Variants in CCDC102B observed in about 807,000 individuals in gnomAD.
CCDC102B encodes the protein coiled-coil domain containing 102B.
Under a neutral mutation model 57.4 loss-of-function variants are expected in CCDC102B, and 75 were observed. The ratio of observed to expected loss-of-function variants is 1.31; its 90% CI spans 1.08 to 1.58. The LOEUF (loss-of-function observed/expected upper bound fraction) is 1.58. Ranked by LOEUF, CCDC102B falls within the 40% of genes most tolerant of loss-of-function variation. CCDC102B has a pLI of 0.00. For missense variants in CCDC102B, 636 were observed against 582.6 expected, an observed-to-expected ratio of 1.09 and a Z score of -0.94; for synonymous variants, 206 against 201.9, an observed-to-expected ratio of 1.02 and a Z score of -0.17.
At chr18:68,962,528 AATTATCCCATCCATCC>A (rs2050070849) in intron 6 of CCDC102B, among the ~76,000 whole-genome samples, 1 of 152,048 alleles carries the variant, frequency 6.6e-6, no homozygotes, top group African/African-American at 2.4e-5. Flanking sequence ...TTTGACTGAG[AATTATCCCATCCATCC>A]ATTATTCCAT....
intron 6 of CCDC102B, chr18:68,993,093 C>A: frequency 1.3e-5 from 2 of 155,878 alleles, no homozygotes; most frequent in South Asian, 3.5e-4. Flanking sequence ...ACAGCAAAGT[C>A]TGAGCTGGCG....
intron 2 of CCDC102B, among the ~76,000 whole-genome samples, chr18:68,751,002 T>C (rs866235824): frequency 4.0e-5 from 6 of 151,778 alleles, no homozygotes; most frequent in Middle Eastern, 6.8e-3. Flanking sequence ...TACTTTTCAG[T>C]AGTCACATGG....
chr18:69,035,138 G>A (rs2052254091), intron 7 of CCDC102B, among the ~76,000 whole-genome samples: 1 of 151,860 alleles, frequency 6.6e-6, no homozygotes, highest in Non-Finnish European at 1.5e-5. Flanking sequence ...TATAACAATT[G>A]CATTACTAGT....
At chr18:68,729,277 A>G (rs1599377936) in intron 2 of CCDC102B, among the ~76,000 whole-genome samples, 2 of 152,320 alleles carry the variant, frequency 1.3e-5, no homozygotes, top group East Asian at 3.9e-4. Context: ...TATCCCCAAG[A>G]TTATCTATCG....
At chr18:68,950,534 T>A (rs1342389706) in intron 6 of CCDC102B, among the ~76,000 whole-genome samples, 1 of 152,172 alleles carries the variant, frequency 6.6e-6, no homozygotes, top group African/African-American at 2.4e-5. Flanking sequence ...CATAACTTTT[T>A]AAAATGTTTG....
At chr18:68,869,501 G>A (rs532321752) in intron 4 of CCDC102B, among the ~76,000 whole-genome samples, 25 of 152,342 alleles carry the variant, frequency 1.6e-4, no homozygotes, top group Admixed American at 4.6e-4. Flanking sequence ...AAGTGCAACA[G>A]CTCTTTCAAG....
At chr18:68,756,956 T>C (rs527494172) in intron 2 of CCDC102B, among the ~76,000 whole-genome samples, 6 of 152,028 alleles carry the variant, frequency 3.9e-5, no homozygotes, top group East Asian at 1.9e-4. Flanking sequence ...ACCCAACCAA[T>C]AGAGCATCCT....
intron 2 of CCDC102B, chr18:68,718,039 A>T (rs1183246754): frequency 1.3e-5 from 2 of 152,180 alleles, no homozygotes; most frequent in Admixed American, 1.3e-4. Context: ...ACCATCCTGG[A>T]AGCAGAGAGC....
At chr18:68,888,632 T>G (rs2039969971) in intron 5 of CCDC102B, among the ~76,000 whole-genome samples, 1 of 152,154 alleles carries the variant, frequency 6.6e-6, no homozygotes, top group South Asian at 2.1e-4. Flanking sequence ...GACAAAATCA[T>G]CAGGGTTGAG....
intron 6 of CCDC102B, among the ~76,000 whole-genome samples, chr18:68,937,964 T>C (rs1319259880): frequency 1.3e-5 from 2 of 152,092 alleles, no homozygotes; most frequent in Non-Finnish European, 2.9e-5. Flanking sequence ...TGCATAGTAT[T>C]CCATGGTATA....
At chr18:68,897,860 C>T in intron 6 of CCDC102B, 1 of 217,652 alleles carries the variant, frequency 4.6e-6, no homozygotes, top group South Asian at 5.5e-5. Context: ...AGCTGAAACT[C>T]ACTGCTTTCT....
intron 1 of CCDC102B, among the ~76,000 whole-genome samples, chr18:68,810,694 T>TTG (rs2036224753): frequency 7.0e-6 from 1 of 142,618 alleles, no homozygotes; most frequent in Non-Finnish European, 1.5e-5. Flanking sequence ...TTTTTTTTTT[T>TTG]TTTTTTTTTT....
intron 1 of CCDC102B, among the ~76,000 whole-genome samples, chr18:68,814,773 C>T (rs909142107): frequency 7.3e-5 from 11 of 151,720 alleles, no homozygotes; most frequent in Admixed American, 3.9e-4. Flanking sequence ...ATAATAGCAA[C>T]GAGCGTGTTT....
Position 68,773,158 on chromosome 18 carries a change from A to G in CCDC102B, c.-66-50208A>G, listed in dbSNP as rs1377821657. On this transcript the variant is annotated intron_variant, in intron 2 of 3. Coordinates refer to the CCDC102B transcript ENST00000578970. ...AGGTATTTTCATTCTTGGAAACAAC[A>G]TTTTCAAAACTAGAAAAAAAAAATG... 3.9e-5 allele frequency among the ~76,000 whole-genome samples: 6 copies of G among 151,968 alleles called. No individual in the cohort carries two copies. The East Asian group carries it at 9.7e-4, about 24-fold the overall frequency.
At chr18:68,750,805 G>C (rs1009370506) in intron 2 of CCDC102B, among the ~76,000 whole-genome samples, 1 of 124,016 alleles carries the variant, frequency 8.1e-6, no homozygotes, top group African/African-American at 3.0e-5. Context: ...GTCGTGGGGT[G>C]GGGGGAGGGG....
At chr18:68,810,348 C>G (rs535756139) in intron 1 of CCDC102B, among the ~76,000 whole-genome samples, 1 of 152,210 alleles carries the variant, frequency 6.6e-6, no homozygotes, top group South Asian at 2.1e-4. Context: ...CATATACACA[C>G]TCAGCAGGTG....
At chr18:68,808,695 G>A (rs977329583) in intron 1 of CCDC102B, among the ~76,000 whole-genome samples, 13 of 151,954 alleles carry the variant, frequency 8.6e-5, no homozygotes, top group African/African-American at 2.9e-4. Context: ...AGCCAGGATG[G>A]TCTCGATCTC....
At chr18:68,883,107 A>T (rs1488095172) in intron 5 of CCDC102B, among the ~76,000 whole-genome samples, 1 of 152,152 alleles carries the variant, frequency 6.6e-6, no homozygotes, top group Non-Finnish European at 1.5e-5. Context: ...AAACCTGCAC[A>T]TGTATGCCCA....
At chr18:68,818,925 T>C (rs1012151670) in intron 1 of CCDC102B, among the ~76,000 whole-genome samples, 10 of 152,136 alleles carry the variant, frequency 6.6e-5, no homozygotes, top group African/African-American at 2.4e-4. Context: ...TTGTCTTTCA[T>C]GAAGTACATC....
Sources: gnomAD v4.1 joint callset for allele counts (sites outside exome capture counted in the v4.1 genomes callset) on GRCh38, gnomAD v4.1.1 for gene constraint, MANE v1.5 for transcripts, NCBI Gene and HGNC (gene_info 2026-07-23, HGNC 2026-07-21) for gene names.